NUDT4: variants seen among roughly 807,000 people sequenced by gnomAD.
NUDT4 encodes the protein diphosphoinositol polyphosphate phosphohydrolase 2.
In NUDT4, 5 loss-of-function variants were observed where a neutral mutation model predicts 23.1. The observed-to-expected ratio is 0.22, with a 90% CI of 0.11 to 0.46. The LOEUF (loss-of-function observed/expected upper bound fraction) is 0.46. Ranked by LOEUF, NUDT4 falls within the 20% of genes least tolerant of loss-of-function variation. NUDT4 has a pLI of 0.99. For synonymous variants in NUDT4, 50 were observed against 79.0 expected, an observed-to-expected ratio of 0.63 and a Z score of 1.95; for missense variants, 96 against 211.6, an observed-to-expected ratio of 0.45 and a Z score of 3.39.
At chr12:93,390,148 C>T (rs1876386558) in intron 1 of NUDT4, among the ~76,000 whole-genome samples, 1 of 152,170 alleles carries the variant, frequency 6.6e-6, no homozygotes. Flanking sequence ...TTTCAGGCGG[C>T]TAGCCACCTG....
intron 1 of NUDT4, among the ~76,000 whole-genome samples, chr12:93,382,073 A>T (rs1013397789): frequency 2.0e-5 from 3 of 152,204 alleles, no homozygotes; most frequent in Admixed American, 2.0e-4. Flanking sequence ...CCTGGCCAAC[A>T]TGGCGAAACC....
At chr12:93,384,536 A>G (rs1362066287) in intron 1 of NUDT4, among the ~76,000 whole-genome samples, 3 of 152,178 alleles carry the variant, frequency 2.0e-5, no homozygotes, top group African/African-American at 2.4e-5. Flanking sequence ...CATAAAATAC[A>G]CTAACATTAA....
At chr12:93,394,147 C>T (rs1462731249) in intron 1 of NUDT4, among the ~76,000 whole-genome samples, 2 of 151,842 alleles carry the variant, frequency 1.3e-5, no homozygotes, top group Non-Finnish European at 2.9e-5. Context: ...GGACTATAGG[C>T]GCCCGCCACC....
In NUDT4 at chr12:93,382,674, C is replaced by CTT. The variant is rs11315217; in HGVS notation, c.99+4272_99+4273dup. Among the ~76,000 whole-genome samples the CTT allele has an allele frequency of 1.3e-3, 149 of 111,638 alleles. 1 individual carries two copies. Among genetic ancestry groups the CTT allele is most frequent in the Middle Eastern group, 4.6e-3 (1 of 218 alleles). The allele number at this position is 111,638 out of a possible 152,430, so 73.2% of individuals were successfully genotyped here. On this transcript the variant is annotated intron_variant, in intron 1 of 4. Transcript: ENST00000415493. ...AAAATAAGTACTATCCAAAGGTAGCCTTTTTTTTTTTTTTTTTTTTGAGAC... is the reference window on the plus strand; with the variant it reads ...AAAATAAGTACTATCCAAAGGTAGCCTTTTTTTTTTTTTTTTTTTTTTGAGAC...
At chr12:93,390,834 C>G (rs1042412134) in intron 1 of NUDT4, among the ~76,000 whole-genome samples, 1 of 152,024 alleles carries the variant, frequency 6.6e-6, no homozygotes, top group Admixed American at 6.5e-5. Context: ...CACACCTGCC[C>G]GCCTTGGCCT....
At position 93,406,692 on chromosome 12, in the gene NUDT4, C is replaced by T. The variant is rs991517163; in HGVS notation, c.*7313C>T. 1.3e-5 allele frequency: 2 copies of T among 152,168 alleles called. No homozygotes were observed. The highest frequency in any genetic ancestry group is 2.9e-5 in the Non-Finnish European group (2 of 68,044). 9.4% of individuals were successfully genotyped at this position (152,168 alleles called of 1,614,324 possible). On this transcript the variant is annotated 3_prime_UTR_variant, in exon 5 of 5. Coordinates refer to ENST00000415493, the MANE Select transcript of NUDT4 (RefSeq NM_019094.6). ...AGTGTAACTATTTACATAGCACTTACATTATAATAGGTATTATAAGTAATC... is the reference window on the plus strand; with the variant it reads ...AGTGTAACTATTTACATAGCACTTATATTATAATAGGTATTATAAGTAATC...
At chr12:93,387,880 T>TA (rs1175569191) in intron 1 of NUDT4, among the ~76,000 whole-genome samples, 1 of 152,204 alleles carries the variant, frequency 6.6e-6, no homozygotes, top group Non-Finnish European at 1.5e-5. Flanking sequence ...CTGGCAGACA[T>TA]ACGCCATCAT....
intron 1 of NUDT4, 54 bp downstream of exon 1, chr12:93,378,475 G>A: frequency 1.4e-6 from 2 of 1,464,944 alleles, no homozygotes; most frequent in Middle Eastern, 4.8e-4. Context: ...TCTAGGGCCC[G>A]GGTGCTTCCC....
At chr12:93,395,659 A>C in intron 3 of NUDT4, 126 bp downstream of exon 3, 1 of 666,568 alleles carries the variant, frequency 1.5e-6, no homozygotes. Flanking sequence ...CAGTCAGTCC[A>C]GGATTAGGTA....
intron 1 of NUDT4, among the ~76,000 whole-genome samples, chr12:93,390,152 C>T (rs1225574853): frequency 2.0e-5 from 3 of 152,172 alleles, no homozygotes; most frequent in Non-Finnish European, 4.4e-5. Context: ...AGGCGGCTAG[C>T]CACCTGCGTT....
chr12:93,378,791 G>T (rs1875408128), intron 1 of NUDT4: 1 of 1,007,120 alleles, frequency 9.9e-7, no homozygotes, highest in South Asian at 4.6e-5. Context: ...TGGAAATGGC[G>T]TGAGTGTTGC....
At position 93,402,377 on chromosome 12, in the gene NUDT4, A is replaced by G. The variant is rs1305284773; in HGVS notation, c.*2998A>G. The G allele has an allele frequency of 1.3e-5, 2 of 152,208 alleles. No individual in the cohort carries two copies. The highest frequency in any genetic ancestry group is 4.8e-5 in the African/African-American group (2 of 41,460). 9.4% of individuals were successfully genotyped at this position (152,208 alleles called of 1,614,324 possible). ...TAAGGTGTATGCTTTTAACTTTGAA[A>G]TGTATAAACACCCAGCGGAAACGTA... On this transcript the variant is annotated 3_prime_UTR_variant, in exon 5 of 5. Coordinates refer to ENST00000415493, the MANE Select transcript of NUDT4 (RefSeq NM_019094.6).
chr12:93,382,983 G>A (rs1875795778), intron 1 of NUDT4, among the ~76,000 whole-genome samples: 1 of 151,964 alleles, frequency 6.6e-6, no homozygotes. Flanking sequence ...TTAAACACAG[G>A]GAAGTGTCAC....
chr12:93,389,716 G>T (rs1208587208), intron 1 of NUDT4, among the ~76,000 whole-genome samples: 1 of 151,654 alleles, frequency 6.6e-6, no homozygotes, highest in Non-Finnish European at 1.5e-5. Context: ...GCCTGGCCAA[G>T]ATGGTGAAAC....
chr12:93,379,183 C>T (rs894253072), intron 1 of NUDT4, among the ~76,000 whole-genome samples: 4 of 152,184 alleles, frequency 2.6e-5, no homozygotes, highest in Non-Finnish European at 5.9e-5. Flanking sequence ...TAGCCTTTCT[C>T]GTTCTCAGAG....
rs1877866878 is a variant in NUDT4 at position 93,407,157 on chromosome 12, G to C, written c.*7778G>C. 6.6e-6 allele frequency: 1 copy of C among 152,416 alleles called. No homozygotes were observed. Among genetic ancestry groups the C allele is most frequent in the African/African-American group, 2.4e-5 (1 of 41,446 alleles). The allele number at this position is 152,416 out of a possible 1,614,324, so 9.4% of individuals were successfully genotyped here. ...GCCACTGTGCCCGGCCTGGGCAGTC[G>C]ATTTTCAGGAAGCCACTTAATGTTC... On this transcript the variant is annotated 3_prime_UTR_variant, in exon 5 of 5. Coordinates refer to ENST00000415493, the MANE Select transcript of NUDT4 (RefSeq NM_019094.6).
At chr12:93,397,380 G>A (rs573437584) in intron 3 of NUDT4, among the ~76,000 whole-genome samples, 2 of 152,264 alleles carry the variant, frequency 1.3e-5, no homozygotes, top group South Asian at 4.1e-4. Flanking sequence ...GTTTTGAGTA[G>A]ATTTTTCAGG....
In NUDT4 at chr12:93,402,582, G is replaced by T. The variant is rs1351696720; in HGVS notation, c.*3203G>T. On this transcript the variant is annotated 3_prime_UTR_variant, in exon 5 of 5. Coordinates refer to ENST00000415493, the MANE Select transcript of NUDT4 (RefSeq NM_019094.6). ...GTACATTTGTATGATCCTTACTACT[G>T]GAATTACCGGGTTAAAAGGAAATGC... The T allele has an allele frequency of 2.6e-5, 4 of 151,984 alleles. No individual in the cohort carries two copies. Among genetic ancestry groups the T allele is most frequent in the African/African-American group, 7.3e-5 (3 of 41,366 alleles). 9.4% of individuals were successfully genotyped at this position (151,984 alleles called of 1,614,324 possible). A position where few individuals can be genotyped will look rare whatever the true frequency, so the allele number is the denominator to read the frequency against.
At chr12:93,393,541 C>T (rs1876712891) in intron 1 of NUDT4, among the ~76,000 whole-genome samples, 1 of 152,168 alleles carries the variant, frequency 6.6e-6, no homozygotes, top group Admixed American at 6.5e-5. Flanking sequence ...ATTAAAACAA[C>T]CAGACAATAT....
Sources: allele counts gnomAD v4.1 joint callset (sites outside exome capture counted in the v4.1 genomes callset), GRCh38; gene constraint gnomAD v4.1.1; transcripts MANE v1.5; gene names NCBI Gene and HGNC (gene_info 2026-07-23, HGNC 2026-07-21).